Variants in WIPI1 observed in about 807,000 individuals in gnomAD.
WIPI1 encodes WD repeat domain, phosphoinositide interacting 1, also known as WD repeat domain phosphoinositide-interacting protein 1.
WIPI1 carries 45 observed loss-of-function variants against 55.3 expected under a neutral mutation model. The ratio of observed to expected loss-of-function variants is 0.81; its 90% confidence interval spans 0.64 to 1.04. The LOEUF is 1.04. Among genes scored for constraint, WIPI1 ranks in the 50% least tolerant of loss-of-function variants. WIPI1 has a pLI of 0.00. For missense variants in WIPI1, 445 were observed against 559.0 expected, an observed-to-expected ratio of 0.80 and a Z score of 2.06; for synonymous variants, 195 against 217.6, an observed-to-expected ratio of 0.90 and a Z score of 0.92.
In WIPI1 at chr17:68,421,553, T is replaced by C. The variant is rs2082774560; in HGVS notation, c.*220A>G. 7 of 574,070 alleles carry C rather than the reference T, an allele frequency of 1.2e-5. No individual in the cohort carries two copies. In the South Asian group the frequency reaches 1.5e-4, roughly 12 times the overall value. 35.6% of individuals were successfully genotyped at this position (574,070 alleles called of 1,614,324 possible). On this transcript the variant is annotated 3_prime_UTR_variant, in exon 13 of 13. Transcript: ENST00000262139. ...CACTATAGTTTGAACGTATTTTAAA[T>C]AGCATGATGTGTATACAATGTCTCC...
At chr17:68,441,220 A>G (rs1337785691) in intron 4 of WIPI1, 1 of 152,258 alleles carries the variant, frequency 6.6e-6, no homozygotes, top group Non-Finnish European at 1.5e-5. Flanking sequence ...CTGTCTGGCC[A>G]AGCTCTTTAA....
intron 1 of WIPI1, among the ~76,000 whole-genome samples, chr17:68,455,234 A>T (rs1239443715): frequency 1.3e-5 from 2 of 151,894 alleles, no homozygotes; most frequent in Non-Finnish European, 2.9e-5. Flanking sequence ...GTGGTGGTAC[A>T]CGTTTGTAAT....
At chr17:68,437,973 AGTGACTGGCGTCTATTAC>A (rs2083900129) in intron 4 of WIPI1, among the ~76,000 whole-genome samples, 1 of 139,850 alleles carries the variant, frequency 7.2e-6, no homozygotes, top group Non-Finnish European at 1.5e-5. Context: ...AAAAAAAAAA[AGTGACTGGCGTCTATTAC>A]AAGTTAGTAT....
chr17:68,432,124 G>A (rs2083556451), intron 8 of WIPI1, among the ~76,000 whole-genome samples: 1 of 152,164 alleles, frequency 6.6e-6, no homozygotes, highest in African/African-American at 2.4e-5. Context: ...TGAGCTTTGG[G>A]TTACACCTGT....
At position 68,421,589 on chromosome 17, in the gene WIPI1, G is replaced by T; in HGVS notation, c.*184C>A. 1 of 731,182 alleles carries T rather than the reference G, an allele frequency of 1.4e-6. No individual in the cohort carries two copies. The highest frequency in any genetic ancestry group is 2.3e-6 in the Non-Finnish European group (1 of 428,310). The allele number at this position is 731,182 out of a possible 1,614,324, so 45.3% of individuals were successfully genotyped here. A position where few individuals can be genotyped will look rare whatever the true frequency, so the allele number is the denominator to read the frequency against. On this transcript the variant is annotated 3_prime_UTR_variant, in exon 13 of 13. Transcript: ENST00000262139. ...GTATACAATGTCTCCCGCGCCCATT[G>T]GCAACCAGGGTCGTGGGAAGCTTGG...
chr17:68,447,071 T>G (rs1489521394), intron 3 of WIPI1, among the ~76,000 whole-genome samples: 1 of 152,216 alleles, frequency 6.6e-6, no homozygotes, highest in Non-Finnish European at 1.5e-5. Flanking sequence ...GTCTGTTGCT[T>G]TGAATTTCAT....
chr17:68,426,917 G>A (rs142463405), intron 11 of WIPI1, among the ~76,000 whole-genome samples: 1 of 152,180 alleles, frequency 6.6e-6, no homozygotes, highest in African/African-American at 2.4e-5. Context: ...GCCAGGTTGA[G>A]GGTCCCAGGT....
chr17:68,426,735 A>G (rs2083220322), intron 11 of WIPI1, among the ~76,000 whole-genome samples: 1 of 152,112 alleles, frequency 6.6e-6, no homozygotes, highest in Admixed American at 6.6e-5. Flanking sequence ...GGGTTTCACC[A>G]TGTTGGCTAG....
At chr17:68,445,516 G>T (rs2084248164) in intron 3 of WIPI1, among the ~76,000 whole-genome samples, 1 of 152,186 alleles carries the variant, frequency 6.6e-6, no homozygotes, top group Non-Finnish European at 1.5e-5. Context: ...GGCCCCATTT[G>T]AACACCCCAG....
chr17:68,421,873 G>C (rs2082800826), intron 12 of WIPI1, 53 bp from the exon 13 acceptor site: 1 of 1,610,708 alleles, frequency 6.2e-7, no homozygotes, highest in African/African-American at 1.3e-5. Flanking sequence ...AGGCTGGTAG[G>C]CAGGTGCATT....
intron 4 of WIPI1, among the ~76,000 whole-genome samples, chr17:68,443,162 G>A (rs2084151147): frequency 6.6e-6 from 1 of 152,116 alleles, no homozygotes; most frequent in South Asian, 2.1e-4. Flanking sequence ...CCAGGCTGGA[G>A]TGCAGTGGTG....
intron 4 of WIPI1, among the ~76,000 whole-genome samples, chr17:68,439,438 C>T (rs750776830): frequency 2.0e-4 from 31 of 152,056 alleles, no homozygotes; most frequent in Admixed American, 7.9e-4. Flanking sequence ...AATCCATAAT[C>T]TAATAGAGAC....
intron 3 of WIPI1, among the ~76,000 whole-genome samples, chr17:68,450,385 C>T (rs1271695446): frequency 6.6e-6 from 1 of 152,162 alleles, no homozygotes; most frequent in Non-Finnish European, 1.5e-5. Context: ...AAGAGTCGCT[C>T]CTCTGATTTA....
At chr17:68,426,253 G>GGGGGGGGGGGGGGGGGT in intron 11 of WIPI1, 78 bp from the exon 12 acceptor site, 2 of 841,018 alleles carry the variant, frequency 2.4e-6, no homozygotes, top group Non-Finnish European at 3.8e-6. Flanking sequence ...GGGGAGCGGG[G>GGGGGGGGGGGGGGGGGT]GCTCAAATAA....
chr17:68,430,096 A>C lies in WIPI1; in HGVS notation c.865T>G (p.Tyr289Asp). ...MGKMFMAATN[Y>D]LPTQVSDMMH... ...ATGTCTGACACCTGGGTAGGGAGGT[A>C]GTTGGTAGCAGCCATAAACATCTTT... The change falls in exon 9 of 13, where the codon TAC (tyrosine) becomes GAC (aspartate). Residue 289 changes from tyrosine to aspartate, a missense_variant. By Grantham distance (160) the Tyr-to-Asp change is radical. Transcript: ENST00000262139. 2 of 1,614,142 alleles carry C rather than the reference A, an allele frequency of 1.2e-6. No homozygotes were observed. The highest frequency in any genetic ancestry group is 1.7e-6 in the Non-Finnish European group (2 of 1,180,028).
intron 9 of WIPI1, 115 bp downstream of exon 9, chr17:68,429,881 G>A: frequency 6.7e-7 from 1 of 1,486,570 alleles, no homozygotes; most frequent in South Asian, 1.2e-5. Context: ...AAGCCACCGT[G>A]CCCAGCCTGG....
At chr17:68,457,278 C>T (rs2084669800) in intron 1 of WIPI1, 64 bp downstream of exon 1, 3 of 1,522,216 alleles carry the variant, frequency 2.0e-6, no homozygotes, top group Non-Finnish European at 2.7e-6. Context: ...GCTCTCAGGA[C>T]GACACCCCTG....
At chr17:68,454,466 G>T (rs1263715253) in intron 1 of WIPI1, among the ~76,000 whole-genome samples, 1 of 152,158 alleles carries the variant, frequency 6.6e-6, no homozygotes, top group Non-Finnish European at 1.5e-5. Flanking sequence ...CAGGGATAGG[G>T]CAACTACAGT....
At chr17:68,429,845 TCC>T in intron 9 of WIPI1, 149 bp downstream of exon 9, 2 of 1,121,666 alleles carry the variant, frequency 1.8e-6, no homozygotes, top group Non-Finnish European at 2.6e-6. Context: ...TGCCTTGGCC[TCC>T]CAAGGTTCCG....
Sources: allele counts gnomAD v4.1 joint callset (sites outside exome capture counted in the v4.1 genomes callset), GRCh38; gene constraint gnomAD v4.1.1; transcripts MANE v1.5; gene names NCBI Gene and HGNC (gene_info 2026-07-23, HGNC 2026-07-21).